The following NT5DC3 variants were observed in gnomAD, a reference collection of about 807,000 sequenced individuals.
The protein encoded by NT5DC3 is 5'-nucleotidase domain-containing protein 3.
Under a neutral mutation model 67.8 loss-of-function variants are expected in NT5DC3, and 42 were observed. The ratio of observed to expected loss-of-function variants is 0.62; its 90% CI spans 0.48 to 0.80. The LOEUF (loss-of-function observed/expected upper bound fraction) is 0.80. Among genes scored for constraint, NT5DC3 ranks in the 30% least tolerant of loss-of-function variants. NT5DC3 has a pLI of 0.00. For missense variants in NT5DC3, 570 were observed against 696.4 expected, an observed-to-expected ratio of 0.82 and a Z score of 2.04; for synonymous variants, 237 against 255.6, an observed-to-expected ratio of 0.93 and a Z score of 0.69.
chr12:103,762,994 AAC>A, the NT5DC3 span, among the ~76,000 whole-genome samples: 1 of 152,146 alleles, frequency 6.6e-6, no homozygotes, highest in African/African-American at 2.4e-5. Context: ...CTCTCCTCAA[AAC>A]ACTCCTGGTA....
At chr12:103,793,064 T>C in intron 9 of NT5DC3, 100 bp downstream of exon 9, 3 of 824,254 alleles carry the variant, frequency 3.6e-6, no homozygotes, top group Non-Finnish European at 6.1e-6. Flanking sequence ...TAATCTCACA[T>C]GCTTATGATT....
intron 9 of NT5DC3, among the ~76,000 whole-genome samples, chr12:103,790,883 G>T (rs1211247261): frequency 1.3e-5 from 2 of 149,432 alleles, no homozygotes; most frequent in Non-Finnish European, 3.0e-5. Flanking sequence ...TAGAGAGGGG[G>T]TTTCACCATG....
In NT5DC3 at chr12:103,793,145, T is replaced by C. The variant is rs1886141439; in HGVS notation, c.1019+19A>G. 5 of 1,533,254 alleles carry C rather than the reference T, an allele frequency of 3.3e-6. No individual in the cohort carries two copies. The South Asian group carries it at 4.7e-5, about 14-fold the overall frequency. 95.0% of individuals were successfully genotyped at this position (1,533,254 alleles called of 1,614,324 possible). ...AGCAAAGGAATAAAATCTAGTCCCC[T>C]AGAAAAATAAACACTCACCTCCGCT... On this transcript the variant is annotated intron_variant, in intron 9 of 13. Transcript: ENST00000392876.
chr12:103,811,182 TG>T (rs554839835), intron 2 of NT5DC3, among the ~76,000 whole-genome samples: 1 of 143,084 alleles, frequency 7.0e-6, no homozygotes, highest in South Asian at 2.2e-4. Flanking sequence ...CCATTCTACC[TG>T]GGGGGGTAGA....
rs1885290409 is a variant in NT5DC3, at chr12:103,774,819, G to C, written c.*3010C>G. On this transcript the variant is annotated 3_prime_UTR_variant, in exon 14 of 14. Transcript: ENST00000392876. ...GAGGCTAGGAGTTTGAGACCAGCCT[G>C]GCCAACATGGTGAAACCCCATCTCT... The C allele has an allele frequency of 6.6e-6, 1 of 151,386 alleles. No homozygotes were observed. The highest frequency in any genetic ancestry group is 2.1e-4 in the South Asian group (1 of 4,748). 9.4% of individuals were successfully genotyped at this position (151,386 alleles called of 1,614,324 possible). A position where few individuals can be genotyped will look rare whatever the true frequency, so the allele number is the denominator to read the frequency against.
intron 4 of NT5DC3, 69 bp downstream of exon 4, chr12:103,806,253 C>T (rs1308761415): frequency 9.8e-6 from 9 of 915,814 alleles, no homozygotes; most frequent in Middle Eastern, 2.1e-4. Flanking sequence ...ATTAAACAGT[C>T]AGAGGGTCCT....
At chr12:103,746,783 C>T in the NT5DC3 span, 1 of 1,406,188 alleles carries the variant, frequency 7.1e-7, no homozygotes, top group Non-Finnish European at 1.0e-6. Context: ...GCCTGGGCTT[C>T]ATCCTAGCCC....
chr12:103,809,105 A>G (rs1353446273), intron 2 of NT5DC3, among the ~76,000 whole-genome samples: 2 of 152,174 alleles, frequency 1.3e-5, no homozygotes, highest in African/African-American at 2.4e-5. Context: ...ACCACCACAT[A>G]ATCAATTCTG....
chr12:103,797,423 T>C (rs922059876), intron 5 of NT5DC3, among the ~76,000 whole-genome samples: 8 of 148,858 alleles, frequency 5.4e-5, no homozygotes, highest in Non-Finnish European at 8.9e-5. Flanking sequence ...TGAGCGGAGA[T>C]GGCGCCACTG....
the NT5DC3 span, chr12:103,753,470 C>A: frequency 7.2e-7 from 1 of 1,391,442 alleles, no homozygotes; most frequent in African/African-American, 1.4e-5. Flanking sequence ...GTGCAGGTAG[C>A]TCCTGGAACA....
the NT5DC3 span, among the ~76,000 whole-genome samples, chr12:103,754,806 C>T: frequency 6.6e-6 from 1 of 152,148 alleles, no homozygotes; most frequent in East Asian, 1.9e-4. Flanking sequence ...ATTAGCTGCA[C>T]ATGGTGGTGC....
the NT5DC3 span, chr12:103,748,892 C>CCATA: frequency 6.6e-7 from 1 of 1,521,532 alleles, no homozygotes; most frequent in Admixed American, 1.9e-5. Context: ...CTGTGGTGCC[C>CCATA]CATACCCTGA....
intron 13 of NT5DC3, among the ~76,000 whole-genome samples, chr12:103,779,730 T>G (rs141707810): frequency 1.4e-3 from 206 of 152,132 alleles, no homozygotes; most frequent in Non-Finnish European, 2.5e-3. Context: ...TTCATGCAAG[T>G]GGTATAAAGC....
At chr12:103,795,548 G>C (rs186548219) in intron 6 of NT5DC3, among the ~76,000 whole-genome samples, 303 of 152,196 alleles carry the variant, frequency 2.0e-3, no homozygotes, top group African/African-American at 7.1e-3. Context: ...CTGATATTGA[G>C]AAACTATAAT....
intron 4 of NT5DC3, chr12:103,801,935 T>C (rs1247931637): frequency 6.6e-6 from 1 of 152,302 alleles, no homozygotes; most frequent in Non-Finnish European, 1.5e-5. Context: ...ACTGGAATCA[T>C]GCCTGCTTTA....
chr12:103,834,451 A>G (rs1162423938), intron 1 of NT5DC3, among the ~76,000 whole-genome samples: 1 of 152,250 alleles, frequency 6.6e-6, no homozygotes, highest in African/African-American at 2.4e-5. Context: ...GTTACAGCCT[A>G]AAGAAGCCGA....
chr12:103,750,964 C>T, the NT5DC3 span, among the ~76,000 whole-genome samples: 27 of 152,156 alleles, frequency 1.8e-4, no homozygotes, highest in African/African-American at 6.3e-4. Flanking sequence ...TGGCAGTGCG[C>T]GCCTGTAATC....
chr12:103,840,882 GCCCGCTTC>G, intron 1 of NT5DC3, 59 bp downstream of exon 1: 1 of 974,358 alleles, frequency 1.0e-6, no homozygotes, highest in Non-Finnish European at 1.4e-6. Context: ...GTCCTAGGGC[GCCCGCTTC>G]CCAGCTGAGC....
At chr12:103,778,147 G>A in intron 13 of NT5DC3, 66 bp from the exon 14 acceptor site, 7 of 1,443,622 alleles carry the variant, frequency 4.8e-6, no homozygotes, top group South Asian at 1.4e-5. Context: ...TTAAACTACT[G>A]AAATCAAAAT....
Sources: allele counts gnomAD v4.1 joint callset (sites outside exome capture counted in the v4.1 genomes callset), GRCh38; gene constraint gnomAD v4.1.1; transcripts MANE v1.5; gene names NCBI Gene and HGNC (gene_info 2026-07-23, HGNC 2026-07-21).